The following GTF2H1 variants were observed in gnomAD, a reference collection of about 807,000 sequenced individuals.
The protein encoded by GTF2H1 is general transcription factor IIH subunit 1.
In GTF2H1, 16 loss-of-function variants were observed where a neutral mutation model predicts 71.2. The observed-to-expected ratio is 0.22, with a 90% confidence interval of 0.15 to 0.34. GTF2H1 has a LOEUF of 0.34. Ranked by LOEUF, GTF2H1 falls within the 10% of genes least tolerant of loss-of-function variation. The probability of loss-of-function intolerance (pLI) is 1.00; values close to 1 mark genes in which losing one functional copy is unlikely to be tolerated. For missense variants in GTF2H1, 498 were observed against 648.2 expected, an observed-to-expected ratio of 0.77 and a Z score of 2.52; for synonymous variants, 215 against 219.0, an observed-to-expected ratio of 0.98 and a Z score of 0.16.
At position 18,367,005 on chromosome 11, in the gene GTF2H1, A is replaced by C. The variant is rs1865841130; in HGVS notation, c.*1136A>C. The stretch of plus-strand genomic sequence containing the variant: ...AGATGTCTTGTATTAAAAATTACAC[A>C]AAAAAAGTAAAACTTTTTATACTTA... On this transcript the variant is annotated 3_prime_UTR_variant, in exon 15 of 15. Coordinates refer to ENST00000265963, the MANE Select transcript of GTF2H1 (RefSeq NM_005316.4). 6.6e-6 allele frequency: 1 copy of C among 152,158 alleles called. No individual in the cohort carries two copies. Among genetic ancestry groups the C allele is most frequent in the African/African-American group, 2.4e-5 (1 of 41,434 alleles). The allele number at this position is 152,158 out of a possible 1,614,324, so 9.4% of individuals were successfully genotyped here. A position where few individuals can be genotyped will look rare whatever the true frequency, so the allele number is the denominator to read the frequency against.
chr11:18,352,555 C>T, intron 11 of GTF2H1, 109 bp downstream of exon 11: 1 of 542,490 alleles, frequency 1.8e-6, no homozygotes. Flanking sequence ...GGCTTAAAGA[C>T]ATAGTTCTGC....
chr11:18,335,412 G>T (rs1865002173), intron 2 of GTF2H1, among the ~76,000 whole-genome samples: 1 of 152,072 alleles, frequency 6.6e-6, no homozygotes, highest in South Asian at 2.1e-4. Flanking sequence ...GTTGATTTGG[G>T]GCAGTTTGTT....
At chr11:18,354,020 G>T (rs940503052) in intron 11 of GTF2H1, among the ~76,000 whole-genome samples, 17 of 152,306 alleles carry the variant, frequency 1.1e-4, no homozygotes, top group Admixed American at 3.3e-4. Flanking sequence ...CTGGGTTTAT[G>T]AGTTGTATTT....
At chr11:18,361,373 G>C (rs538406682) in intron 14 of GTF2H1, among the ~76,000 whole-genome samples, 1 of 151,964 alleles carries the variant, frequency 6.6e-6, no homozygotes, top group East Asian at 1.9e-4. Flanking sequence ...CCTTAGAAAA[G>C]TTTTACAATC....
chr11:18,330,227 T>C (rs1014461339), intron 1 of GTF2H1, among the ~76,000 whole-genome samples: 2 of 152,182 alleles, frequency 1.3e-5, no homozygotes, highest in Non-Finnish European at 2.9e-5. Context: ...GCCTCTTGAG[T>C]CCTAACTTGG....
chr11:18,329,127 ATAAGG>A (rs1170369808), intron 1 of GTF2H1, among the ~76,000 whole-genome samples: 4 of 152,060 alleles, frequency 2.6e-5, no homozygotes, highest in Non-Finnish European at 5.9e-5. Flanking sequence ...GTGGGTACAG[ATAAGG>A]TAAGCACAAT....
rs901395409 is a variant in GTF2H1 at position 18,366,112 on chromosome 11, T to C, written c.*243T>C. Reference sequence around the variant, plus strand: ...AAATGAGCTAAGTTGCAAATATATATATATACACACACACACATATATGTA... The same window carrying C: ...AAATGAGCTAAGTTGCAAATATATACATATACACACACACACATATATGTA... On this transcript the variant is annotated 3_prime_UTR_variant, in exon 15 of 15. Transcript: ENST00000265963. 1.1e-5 allele frequency: 6 copies of C among 534,384 alleles called. No individual in the cohort carries two copies. Among genetic ancestry groups the C allele is most frequent in the Non-Finnish European group, 1.7e-5 (5 of 298,038 alleles). The allele number at this position is 534,384 out of a possible 1,614,324, so 33.1% of individuals were successfully genotyped here.
At position 18,365,949 on chromosome 11, in the gene GTF2H1, C is replaced by A. The variant is rs753196829; in HGVS notation, c.*80C>A. 100 of 889,632 alleles carry A rather than the reference C, an allele frequency of 1.1e-4. No individual in the cohort carries two copies. The highest frequency in any genetic ancestry group is 3.9e-4 in the Admixed American group (20 of 51,162). 55.1% of individuals were successfully genotyped at this position (889,632 alleles called of 1,614,324 possible). On this transcript the variant is annotated 3_prime_UTR_variant, in exon 15 of 15. Transcript: ENST00000265963. ...AACTCTGGAAACCTGGCCTGACAGA[C>A]AAGCAGATGACCTCACAGGAGTGAT...
intron 11 of GTF2H1, among the ~76,000 whole-genome samples, chr11:18,355,329 G>A (rs985976325): frequency 1.9e-4 from 29 of 151,380 alleles, no homozygotes; most frequent in African/African-American, 6.6e-4. Flanking sequence ...ATTTTTAGTA[G>A]CAACGGGGTT....
At chr11:18,324,112 G>T (rs1590176589) in intron 1 of GTF2H1, 1 of 152,412 alleles carries the variant, frequency 6.6e-6, no homozygotes, top group African/African-American at 2.4e-5. Flanking sequence ...GTGCAATGGC[G>T]CGATCTCTGC....
intron 14 of GTF2H1, among the ~76,000 whole-genome samples, chr11:18,361,608 G>A (rs1459765813): frequency 6.6e-6 from 1 of 152,226 alleles, no homozygotes; most frequent in Non-Finnish European, 1.5e-5. Context: ...GACAGGGGTT[G>A]CGGTGAGCCG....
At chr11:18,346,768 C>G (rs1302128072) in intron 7 of GTF2H1, among the ~76,000 whole-genome samples, 1 of 120,486 alleles carries the variant, frequency 8.3e-6, no homozygotes, top group African/African-American at 3.2e-5. Flanking sequence ...GACAGTCTCA[C>G]TCTGTCACCC....
chr11:18,347,899 T>C lies in GTF2H1; in HGVS notation c.1033T>C (p.Phe345Leu). 1 of 1,613,484 alleles carries C rather than the reference T, an allele frequency of 6.2e-7. No homozygotes were observed. The highest frequency in any genetic ancestry group is 1.1e-5 in the South Asian group (1 of 91,058). The change falls in exon 9 of 15, where the codon TTT (phenylalanine) becomes CTT (leucine). Residue 345 changes from phenylalanine to leucine, a missense_variant. By Grantham distance (22) the Phe-to-Leu change is conservative. Transcript: ENST00000265963. ...TGGAAATTCCGGAGATGCAGACTGC[T>C]TTCAGCCAGCAGTCAAAAGGGTATG... is the stretch of plus-strand genomic sequence containing the variant. ...MDGNSGDADC[F>L]QPAVKRAKLQ...
chr11:18,344,824 T>C (rs1331948363), intron 7 of GTF2H1, among the ~76,000 whole-genome samples: 1 of 152,046 alleles, frequency 6.6e-6, no homozygotes, highest in East Asian at 1.9e-4. Flanking sequence ...CATGCCACGC[T>C]TTTTCTACCT....
chr11:18,335,269 G>A (rs1440478227), intron 2 of GTF2H1, among the ~76,000 whole-genome samples: 1 of 152,138 alleles, frequency 6.6e-6, no homozygotes, highest in Admixed American at 6.5e-5. Flanking sequence ...GGCTAAGTTT[G>A]ATAACTTTAT....
intron 1 of GTF2H1, among the ~76,000 whole-genome samples, chr11:18,324,905 C>G (rs1310230741): frequency 6.6e-6 from 1 of 152,204 alleles, no homozygotes; most frequent in African/African-American, 2.4e-5. Flanking sequence ...TACAAGTGCT[C>G]AGTCCTAAAA....
chr11:18,355,136 T>A (rs938504564), intron 11 of GTF2H1, among the ~76,000 whole-genome samples: 2 of 151,008 alleles, frequency 1.3e-5, no homozygotes, highest in African/African-American at 4.9e-5. Flanking sequence ...AATTTTTCTT[T>A]ATTTTTTTTT....
intron 9 of GTF2H1, among the ~76,000 whole-genome samples, chr11:18,350,096 T>A (rs745576164): frequency 1.2e-4 from 18 of 152,214 alleles, no homozygotes; most frequent in Non-Finnish European, 2.6e-4. Flanking sequence ...TATTCAGTGG[T>A]AAATGCTGGC....
chr11:18,340,477 G>C (rs1017492868), intron 5 of GTF2H1, among the ~76,000 whole-genome samples: 15 of 151,978 alleles, frequency 9.9e-5, no homozygotes, highest in Non-Finnish European at 1.5e-4. Context: ...TTGTAGAGAT[G>C]GGGTTTCACC....
Sources: gnomAD v4.1 joint callset for allele counts (sites outside exome capture counted in the v4.1 genomes callset) on GRCh38, gnomAD v4.1.1 for gene constraint, MANE v1.5 for transcripts, NCBI Gene and HGNC (gene_info 2026-07-23, HGNC 2026-07-21) for gene names.